SLC30A9: variants seen among roughly 807,000 people sequenced by gnomAD.
The protein encoded by SLC30A9 is proton-coupled zinc antiporter SLC30A9, mitochondrial.
In SLC30A9, 58 loss-of-function variants were observed where a neutral mutation model predicts 87.5. The observed-to-expected ratio is 0.66, with a 90% CI of 0.54 to 0.82. The LOEUF is 0.82. Ranked by LOEUF, SLC30A9 falls within the 40% of genes least tolerant of loss-of-function variation. The pLI is 0.00. For synonymous variants in SLC30A9, 234 were observed against 233.0 expected, an observed-to-expected ratio of 1.00 and a Z score of -0.04; for missense variants, 557 against 679.1, an observed-to-expected ratio of 0.82 and a Z score of 2.00.
chr4:42,062,804 A>G (rs961482469), intron 10 of SLC30A9, among the ~76,000 whole-genome samples, 182 bp from the exon 11 acceptor site: 1 of 152,220 alleles, frequency 6.6e-6, no homozygotes, highest in African/African-American at 2.4e-5. Flanking sequence ...TGTATTTTCA[A>G]AATTCTTACA....
rs1278038542 is a variant in SLC30A9 at position 42,086,291 on chromosome 4, G to A, written c.*165G>A. On this transcript the variant is annotated 3_prime_UTR_variant, in exon 18 of 18. Coordinates refer to ENST00000264451, the MANE Select transcript of SLC30A9 (RefSeq NM_006345.4). ...GTAAAGAGCAACTCAGCAGGACACA[G>A]AACTAAAACTACTACTTACATCTAA... is the stretch of plus-strand genomic sequence containing the variant. 5.3e-5 allele frequency: 22 copies of A among 415,510 alleles called. No individual in the cohort carries two copies. The Middle Eastern group carries it at 9.4e-4, about 18-fold the overall frequency. 25.7% of individuals were successfully genotyped at this position (415,510 alleles called of 1,614,324 possible). A position where few individuals can be genotyped will look rare whatever the true frequency, so the allele number is the denominator to read the frequency against.
At chr4:41,999,644 GACAA>G (rs1714891488) in intron 1 of SLC30A9, among the ~76,000 whole-genome samples, 1 of 151,232 alleles carries the variant, frequency 6.6e-6, no homozygotes, top group Admixed American at 6.6e-5. Flanking sequence ...AAAAATTCAG[GACAA>G]ACAACCTGGC....
At chr4:42,007,274 C>G (rs929514903) in intron 2 of SLC30A9, among the ~76,000 whole-genome samples, 2 of 151,940 alleles carry the variant, frequency 1.3e-5, no homozygotes, top group Admixed American at 6.6e-5. Flanking sequence ...GGCCAGCTGT[C>G]TAGATGATTT....
intron 3 of SLC30A9, among the ~76,000 whole-genome samples, chr4:42,019,931 T>G (rs1399168886): frequency 6.6e-6 from 1 of 152,046 alleles, no homozygotes; most frequent in South Asian, 2.1e-4. Context: ...GAAGCTGGGA[T>G]TACAGGCACC....
At chr4:42,021,917 A>ATTTTTTTTTTT (rs1180421350) in intron 4 of SLC30A9, among the ~76,000 whole-genome samples, 3 of 39,940 alleles carry the variant, frequency 7.5e-5, no homozygotes, top group African/African-American at 1.9e-4. Context: ...CGCCTGGCTA[A>ATTTTTTTTTTT]TTTTTTTTTT....
At chr4:42,037,389 T>G (rs1223203222) in intron 7 of SLC30A9, among the ~76,000 whole-genome samples, 1 of 151,944 alleles carries the variant, frequency 6.6e-6, no homozygotes, top group African/African-American at 2.4e-5. Context: ...ATTTAATTTC[T>G]TATATAATAA....
intron 9 of SLC30A9, among the ~76,000 whole-genome samples, chr4:42,059,548 T>A (rs529973023): frequency 3.3e-5 from 5 of 152,176 alleles, no homozygotes; most frequent in Middle Eastern, 3.4e-3. Flanking sequence ...TGCATGGTTT[T>A]GCAGTTTTAA....
At chr4:42,029,687 T>G in intron 6 of SLC30A9, 1 of 751,182 alleles carries the variant, frequency 1.3e-6, no homozygotes. Context: ...GGCTGGGAAA[T>G]TGCTCTGGAT....
chr4:42,047,310 A>G (rs1033213536), intron 8 of SLC30A9, among the ~76,000 whole-genome samples: 3 of 152,244 alleles, frequency 2.0e-5, no homozygotes, highest in African/African-American at 7.2e-5. Flanking sequence ...AGAATGGGAG[A>G]AAATTTTTGC....
intron 5 of SLC30A9, 102 bp from the exon 6 acceptor site, chr4:42,023,200 T>C: frequency 1.2e-6 from 1 of 857,224 alleles, no homozygotes; most frequent in Non-Finnish European, 1.9e-6. Flanking sequence ...AAAAGCACCT[T>C]ACACTTTGTT....
rs538930197 is a variant in SLC30A9 at position 42,081,907 on chromosome 4, G to A, written c.1662+3582G>A. 7.9e-4 allele frequency among the ~76,000 whole-genome samples: 120 copies of A among 152,272 alleles called. 1 individual carries two copies. Among genetic ancestry groups the A allele is most frequent in the African/African-American group, 2.8e-3 (116 of 41,556 alleles). On this transcript the variant is annotated intron_variant, in intron 17 of 17. Transcript: ENST00000264451. ...ATAATCCATACATTCAGGTGGAAAC[G>A]TCTTTGGCTAAGATAATAAAGCATG...
At chr4:42,054,841 G>C (rs1717537937) in intron 9 of SLC30A9, among the ~76,000 whole-genome samples, 2 of 151,946 alleles carry the variant, frequency 1.3e-5, no homozygotes, top group Non-Finnish European at 2.9e-5. Context: ...TAATAGTCTT[G>C]TGGCTGTATT....
chr4:42,040,795 C>CAA, intron 8 of SLC30A9, among the ~76,000 whole-genome samples: 1 of 8,354 alleles, frequency 1.2e-4, no homozygotes, highest in South Asian at 4.4e-3. Flanking sequence ...GACTCTGTCT[C>CAA]AAAAAAAAAA....
At chr4:42,078,558 T>C (rs894998353) in intron 17 of SLC30A9, 5 of 286,762 alleles carry the variant, frequency 1.7e-5, no homozygotes, top group Non-Finnish European at 3.2e-5. Context: ...TTAAACACTA[T>C]TTTATGCAGC....
chr4:42,080,384 C>T (rs1718706906), intron 17 of SLC30A9, among the ~76,000 whole-genome samples: 1 of 152,180 alleles, frequency 6.6e-6, no homozygotes. Context: ...TGAAATCAGC[C>T]AAGGGCAGAA....
At chr4:42,026,120 G>A (rs977754800) in intron 6 of SLC30A9, among the ~76,000 whole-genome samples, 5 of 152,176 alleles carry the variant, frequency 3.3e-5, no homozygotes, top group Admixed American at 2.6e-4. Context: ...GTGTGCCACC[G>A]TGTCTAGCTG....
intron 9 of SLC30A9, among the ~76,000 whole-genome samples, 196 bp from the exon 10 acceptor site, chr4:42,059,995 A>G (rs368282953): frequency 2.0e-4 from 30 of 152,232 alleles, no homozygotes; most frequent in African/African-American, 6.3e-4. Context: ...TTTATAAACA[A>G]TGGTGTTTTG....
intron 15 of SLC30A9, among the ~76,000 whole-genome samples, chr4:42,072,413 A>G (rs1050358598): frequency 6.6e-6 from 1 of 152,012 alleles, no homozygotes; most frequent in East Asian, 1.9e-4. Context: ...ATTTTCCTTT[A>G]AGTATTGCTT....
Position 42,063,097 on chromosome 4 carries a change from T to C in SLC30A9, c.1008T>C (p.Pro336=). 6.2e-7 allele frequency: 1 copy of C among 1,613,864 alleles called. No individual in the cohort carries two copies. ...ATGGAGTCATGGGATTGCTTCATCC[T>C]CAACCAATAGAATCCCTTCTATGGG... ...WYHGVMGLLH[P]QPIESLLWAY... Residue 336 remains proline, a synonymous_variant, in exon 11 of 18, where the codon CCT becomes CCC. Coordinates refer to ENST00000264451, the MANE Select transcript of SLC30A9 (RefSeq NM_006345.4).
Sources: allele counts gnomAD v4.1 joint callset (sites outside exome capture counted in the v4.1 genomes callset), GRCh38; gene constraint gnomAD v4.1.1; transcripts MANE v1.5; gene names NCBI Gene and HGNC (gene_info 2026-07-23, HGNC 2026-07-21).